The following MATR3 variants were observed in gnomAD, a reference collection of about 807,000 sequenced individuals.
MATR3 encodes the protein matrin-3.
Under a neutral mutation model 85.5 loss-of-function variants are expected in MATR3, and 4 were observed. The ratio of observed to expected loss-of-function variants is 0.05; its 90% CI spans 0.02 to 0.11. The LOEUF is 0.11. Ranked by LOEUF, MATR3 falls within the 10% of genes least tolerant of loss-of-function variation. The pLI is 1.00. For missense variants in MATR3, 685 were observed against 1,016.1 expected (o/e 0.67, Z 4.43); for synonymous variants, 336 against 343.1 (o/e 0.98, Z 0.23).
rs999588345 is a variant in MATR3 at position 139,278,248 on chromosome 5, T to TAC, written c.-256-789_-256-788dup. ...ATCTCAAAAAATATATATATATATA[T>TAC]ACACACACACACACAATGCATTGCT... On this transcript the variant is annotated intron_variant, in intron 2 of 16. Transcript: ENST00000509990. The TAC allele has an allele frequency of 4.2e-3, 1,486 of 351,552 alleles. 84 individuals are homozygous for TAC. The highest frequency in any genetic ancestry group is 8.4e-3 in the South Asian group (385 of 45,626). The allele number at this position is 351,552 out of a possible 1,614,324, so 21.8% of individuals were successfully genotyped here.
chr5:139,322,718 A>G lies in MATR3; in HGVS notation c.1899A>G (p.Glu633=). 3 of 1,614,178 alleles carry G rather than the reference A, an allele frequency of 1.9e-6. No homozygotes were observed. The South Asian group carries it at 3.3e-5, about 18-fold the overall frequency. ...EGKEQEEKSG[E]DGEKDTKDDQ... The stretch of plus-strand genomic sequence containing the variant: ...AAGAACAAGAAGAGAAGTCCGGTGA[A>G]GATGGTGAGAAAGACACAAAGGATG... The change falls in exon 12 of 15, where the codon GAA becomes GAG. Residue 633 remains glutamate (E), a synonymous_variant. Coordinates refer to ENST00000394805, the MANE Select transcript of MATR3 (RefSeq NM_018834.6).
intron 3 of MATR3, among the ~76,000 whole-genome samples, chr5:139,287,487 C>T (rs1349763478): frequency 1.3e-5 from 2 of 152,102 alleles, no homozygotes; most frequent in Non-Finnish European, 2.9e-5. Flanking sequence ...GACATGTTGG[C>T]GCGCACCTGT....
intron 2 of MATR3, chr5:139,312,077 T>A (rs13178336): frequency 6.6e-6 from 1 of 152,118 alleles, no homozygotes; most frequent in Non-Finnish European, 1.5e-5. Flanking sequence ...CCAAGGCTTC[T>A]AAATTTTGTG....
At chr5:139,292,709 GC>G, upstream of MATR3, among the ~76,000 whole-genome samples, 1 of 152,322 alleles carries the variant, frequency 6.6e-6, no homozygotes, top group South Asian at 2.1e-4. Context: ...GGAGGCCGAG[GC>G]GGGCGGATCA....
chr5:139,303,875 T>G (rs1754579873), intron 1 of MATR3, among the ~76,000 whole-genome samples: 1 of 152,204 alleles, frequency 6.6e-6, no homozygotes, highest in South Asian at 2.1e-4. Flanking sequence ...GACTTACCGG[T>G]AATCTTTAAG....
chr5:139,276,604 G>A (rs984814633), intron 2 of MATR3, among the ~76,000 whole-genome samples: 10 of 152,194 alleles, frequency 6.6e-5, no homozygotes, highest in Non-Finnish European at 1.0e-4. Context: ...TGGTCCAACA[G>A]GTTTGGGTAG....
chr5:139,284,893 T>C (rs1359330350), intron 3 of MATR3, among the ~76,000 whole-genome samples: 1 of 152,214 alleles, frequency 6.6e-6, no homozygotes, highest in Admixed American at 6.5e-5. Context: ...ATAAAATCTT[T>C]GAATCTATGA....
chr5:139,278,135 A>G (rs1354472765), intron 2 of MATR3, among the ~76,000 whole-genome samples: 1 of 152,022 alleles, frequency 6.6e-6, no homozygotes, highest in African/African-American at 2.4e-5. Context: ...TGGGAGGCTA[A>G]GCTGGGAGGA....
At chr5:139,316,015 C>G (rs766349555) in intron 4 of MATR3, 61 bp from the exon 5 acceptor site, 3 of 1,282,560 alleles carry the variant, frequency 2.3e-6, no homozygotes, top group Non-Finnish European at 3.4e-6. Context: ...AACATTTAAT[C>G]TTAATTCTTT....
intron 2 of MATR3, 23 bp downstream of exon 2, chr5:139,308,350 T>C: frequency 6.2e-7 from 1 of 1,613,724 alleles, no homozygotes; most frequent in Middle Eastern, 1.7e-4. Context: ...AACAGATGCT[T>C]CTAATTTCTT....
At chr5:139,288,418 G>A (rs879343373) in intron 3 of MATR3, among the ~76,000 whole-genome samples, 13 of 152,214 alleles carry the variant, frequency 8.5e-5, no homozygotes, top group Non-Finnish European at 1.8e-4. Flanking sequence ...ATGGGTAGGT[G>A]TGTATCTGAA....
chr5:139,320,707 T>C (rs1755515115), intron 9 of MATR3, among the ~76,000 whole-genome samples: 1 of 151,922 alleles, frequency 6.6e-6, no homozygotes, highest in African/African-American at 2.4e-5. Context: ...CAGACTTTTA[T>C]TTTTCTTACA....
chr5:139,295,903 A>G (rs1236854432), intron 1 of MATR3, among the ~76,000 whole-genome samples: 1 of 151,900 alleles, frequency 6.6e-6, no homozygotes, highest in Non-Finnish European at 1.5e-5. Flanking sequence ...GGCTCACAGC[A>G]GCCTCGACCT....
At chr5:139,299,511 TAA>T (rs954090051) in intron 1 of MATR3, among the ~76,000 whole-genome samples, 1 of 152,116 alleles carries the variant, frequency 6.6e-6, no homozygotes, top group Non-Finnish European at 1.5e-5. Context: ...TTGTCTCTAC[TAA>T]AAATGTTAAA....
chr5:139,296,309 G>A (rs1310487051), intron 1 of MATR3, among the ~76,000 whole-genome samples: 1 of 152,112 alleles, frequency 6.6e-6, no homozygotes, highest in Non-Finnish European at 1.5e-5. Context: ...AATGGTAACG[G>A]TATACAGTTT....
chr5:139,328,873 C>T (rs1163519616), intron 14 of MATR3, among the ~76,000 whole-genome samples: 1 of 151,962 alleles, frequency 6.6e-6, no homozygotes, highest in Non-Finnish European at 1.5e-5. Flanking sequence ...GGCTTGGTGG[C>T]GGGTGCCTGT....
At chr5:139,322,162 G>A (rs988317900) in intron 10 of MATR3, 133 bp downstream of exon 10, 3 of 1,140,462 alleles carry the variant, frequency 2.6e-6, no homozygotes, top group Admixed American at 4.5e-5. Flanking sequence ...TATTGAAAGA[G>A]AACAACCTTT....
Position 139,331,129 on chromosome 5 carries a change from C to T in MATR3, c.*1734C>T, listed in dbSNP as rs1756125938. 1 of 453,916 alleles carries T rather than the reference C, an allele frequency of 2.2e-6. No individual in the cohort carries two copies. Among genetic ancestry groups the T allele is most frequent in the African/African-American group, 2.0e-5 (1 of 50,000 alleles). The allele number at this position is 453,916 out of a possible 1,614,324, so 28.1% of individuals were successfully genotyped here. ...TTAATTTCAAAAAAATCTACAAAAA[C>T]AGGATAGGCATTGTCTTTCAAATGT... On this transcript the variant is annotated 3_prime_UTR_variant, in exon 15 of 15. Transcript: ENST00000394805.
intron 14 of MATR3, among the ~76,000 whole-genome samples, chr5:139,327,454 C>T (rs1755911784): frequency 6.6e-6 from 1 of 152,094 alleles, no homozygotes. Flanking sequence ...CAGTTTTGCT[C>T]TTGTTGCCCA....
Sources: gnomAD v4.1 joint callset for allele counts (sites outside exome capture counted in the v4.1 genomes callset) on GRCh38, gnomAD v4.1.1 for gene constraint, MANE v1.5 for transcripts, NCBI Gene and HGNC (gene_info 2026-07-23, HGNC 2026-07-21) for gene names.